Variants in GLIS3 observed in about 807,000 individuals in gnomAD.
GLIS3 encodes the protein zinc finger protein GLIS3.
Under a neutral mutation model 78.6 loss-of-function variants are expected in GLIS3, and 53 were observed. The ratio of observed to expected loss-of-function variants is 0.67; its 90% CI spans 0.54 to 0.85. GLIS3 has a LOEUF of 0.85. GLIS3 is among the 40% of genes least tolerant of loss of function. The pLI is 0.00. For missense variants in GLIS3, 1,703 were observed against 1,231.1 expected, an observed-to-expected ratio of 1.38 and a Z score of -5.74; for synonymous variants, 684 against 509.9, an observed-to-expected ratio of 1.34 and a Z score of -4.60.
intron 5 of GLIS3, chr9:3,932,853 T>C (rs1248271768): frequency 2.4e-6 from 1 of 413,244 alleles, no homozygotes; most frequent in Admixed American, 2.8e-5. Context: ...ACACATATTC[T>C]TTAAGGGTTC....
the GLIS3 span, among the ~76,000 whole-genome samples, chr9:4,405,385 A>G: frequency 6.7e-6 from 1 of 149,658 alleles, no homozygotes; most frequent in Non-Finnish European, 1.5e-5. Context: ...AAGAAAAAAG[A>G]AAAAAGAAAG....
At chr9:4,388,735 A>G in the GLIS3 span, among the ~76,000 whole-genome samples, 4 of 152,150 alleles carry the variant, frequency 2.6e-5, no homozygotes, top group Non-Finnish European at 5.9e-5. Context: ...CAGAATTCAT[A>G]GTACAATATA....
In GLIS3 at chr9:4,326,749, CA is replaced by C. The variant is rs760607211; in HGVS notation, n.265-16222del. Among the ~76,000 whole-genome samples, 12 of 151,474 alleles carry C rather than the reference CA, an allele frequency of 7.9e-5. No individual in the cohort carries two copies. In the South Asian group the frequency reaches 2.1e-3, roughly 26 times the overall value. On this transcript the variant is annotated intron_variant and non_coding_transcript_variant, in intron 2 of 4. Transcript: ENST00000471664. ...ATGGAACCTACAGCAACAGCAAGGA[CA>C]AAAAAAATGAGAGAGAATTGGAAAC...
At chr9:3,920,694 C>T (rs1439082118) in intron 6 of GLIS3, among the ~76,000 whole-genome samples, 1 of 150,350 alleles carries the variant, frequency 6.7e-6, no homozygotes. Flanking sequence ...AAATGAAATC[C>T]GATTTCTATA....
intron 4 of GLIS3, among the ~76,000 whole-genome samples, chr9:4,022,543 C>T (rs1028067160): frequency 4.6e-5 from 7 of 152,268 alleles, no homozygotes; most frequent in African/African-American, 1.7e-4. Context: ...AAACATAAGC[C>T]TACCCTATGA....
At chr9:3,850,692 C>T (rs1254833499) in intron 9 of GLIS3, among the ~76,000 whole-genome samples, 1 of 152,202 alleles carries the variant, frequency 6.6e-6, no homozygotes, top group Admixed American at 6.5e-5. Flanking sequence ...TAGCATGGCA[C>T]AAAACCCTTC....
intron 2 of GLIS3, 41 bp from the exon 3 acceptor site, chr9:4,125,982 A>G (rs750314755): frequency 7.0e-7 from 1 of 1,436,896 alleles, no homozygotes; most frequent in East Asian, 2.3e-5. Flanking sequence ...TGTCCCTTAC[A>G]TCAGAAATCA....
At chr9:4,109,578 A>T (rs527418732) in intron 4 of GLIS3, among the ~76,000 whole-genome samples, 4 of 152,218 alleles carry the variant, frequency 2.6e-5, no homozygotes, top group African/African-American at 4.8e-5. Flanking sequence ...GACCTGGGGA[A>T]GTCAAAGTTT....
intron 4 of GLIS3, among the ~76,000 whole-genome samples, chr9:4,107,961 C>T (rs1251233282): frequency 1.3e-5 from 2 of 151,874 alleles, no homozygotes; most frequent in East Asian, 3.9e-4. Context: ...TGTGTGTGTG[C>T]ATGCATGTGT....
rs143998264 is a variant in GLIS3, at chr9:4,052,287, G to C, written c.1710+65481C>G. On this transcript the variant is annotated intron_variant, in intron 4 of 10. Transcript: ENST00000381971. ...GTATATATAAATGTTGCTTCATAAA[G>C]ACTCGTGTCAAACATCACAATTGGT... Among the ~76,000 whole-genome samples, 56 of 152,276 alleles carry C rather than the reference G, an allele frequency of 3.7e-4. 2 individuals carry two copies. The highest frequency in any genetic ancestry group is 1.3e-3 in the African/African-American group (55 of 41,568).
chr9:3,956,028 C>CCAAAAAAAAAAA (rs1491307787), intron 4 of GLIS3, among the ~76,000 whole-genome samples: 3 of 87,592 alleles, frequency 3.4e-5, no homozygotes, highest in African/African-American at 4.1e-5. Context: ...CCAGATTCAG[C>CCAAAAAAAAAAA]AAAAAAAAAA....
intron 4 of GLIS3, among the ~76,000 whole-genome samples, chr9:4,000,440 C>G (rs1217676943): frequency 6.6e-6 from 1 of 152,100 alleles, no homozygotes; most frequent in Non-Finnish European, 1.5e-5. Context: ...CAAGAATCAT[C>G]TGTCTCTGAA....
intron 2 of GLIS3, among the ~76,000 whole-genome samples, chr9:4,212,054 C>T (rs766029931): frequency 2.0e-5 from 3 of 152,142 alleles, no homozygotes; most frequent in Non-Finnish European, 4.4e-5. Flanking sequence ...GCAGAGGAAT[C>T]TTACTGGGAT....
intron 2 of GLIS3, among the ~76,000 whole-genome samples, chr9:4,175,657 C>G (rs1258891192): frequency 1.3e-5 from 2 of 152,202 alleles, no homozygotes; most frequent in African/African-American, 4.8e-5. Context: ...CAAGTCCCCA[C>G]TGTACTGGAT....
At chr9:4,164,440 T>G (rs1408261514) in intron 2 of GLIS3, among the ~76,000 whole-genome samples, 2 of 152,220 alleles carry the variant, frequency 1.3e-5, no homozygotes, top group African/African-American at 2.4e-5. Flanking sequence ...CAAAAGCTCA[T>G]TTCTTCATGT....
the GLIS3 span, among the ~76,000 whole-genome samples, chr9:4,393,858 G>A: frequency 2.3e-3 from 344 of 152,214 alleles, 1 homozygote; most frequent in African/African-American, 7.9e-3. Flanking sequence ...CATGTAAGAA[G>A]GGCTCTGTTT....
At chr9:4,339,646 T>C (rs1225011100) in intron 2 of GLIS3, among the ~76,000 whole-genome samples, 1 of 148,804 alleles carries the variant, frequency 6.7e-6, no homozygotes. Flanking sequence ...GACTTTTCAT[T>C]GAGCAAAGTT....
intron 4 of GLIS3, among the ~76,000 whole-genome samples, chr9:3,951,496 A>C (rs563145404): frequency 6.6e-6 from 1 of 152,242 alleles, no homozygotes; most frequent in South Asian, 2.1e-4. Flanking sequence ...TTAGTTAAAG[A>C]ATGTATGCTG....
intron 2 of GLIS3, among the ~76,000 whole-genome samples, chr9:4,220,428 C>T (rs1821223502): frequency 6.6e-6 from 1 of 152,186 alleles, no homozygotes; most frequent in African/African-American, 2.4e-5. Context: ...AACTGGCACA[C>T]AGTATCTTAG....
Sources: gnomAD v4.1 joint callset for allele counts (sites outside exome capture counted in the v4.1 genomes callset) on GRCh38, gnomAD v4.1.1 for gene constraint, MANE v1.5 for transcripts, NCBI Gene and HGNC (gene_info 2026-07-23, HGNC 2026-07-21) for gene names.